MAP3K20: variants seen among roughly 807,000 people sequenced by gnomAD.
MAP3K20 encodes the protein HCCS-4.
MAP3K20 carries 40 observed loss-of-function variants against 85.7 expected under a neutral mutation model. The observed-to-expected ratio is 0.47, with a 90% CI of 0.36 to 0.61. The LOEUF (loss-of-function observed/expected upper bound fraction) is 0.61, where lower values mean the gene tolerates loss of function less well. MAP3K20 is among the 20% of genes least tolerant of loss of function. The pLI, the probability that MAP3K20 is intolerant of heterozygous loss-of-function variation, is 0.00. For synonymous variants in MAP3K20, 325 were observed against 327.7 expected (o/e 0.99, Z 0.09); for missense variants, 817 against 961.7 (o/e 0.85, Z 1.99).
At chr2:173,081,925 C>T (rs947717386) in intron 1 of MAP3K20, among the ~76,000 whole-genome samples, 1 of 152,186 alleles carries the variant, frequency 6.6e-6, no homozygotes, top group Admixed American at 6.5e-5. Flanking sequence ...TCCCACTCTA[C>T]ACCGCATATC....
Position 173,188,630 on chromosome 2 carries a change from A to G in MAP3K20, c.415+1007A>G, listed in dbSNP as rs961077141. The stretch of plus-strand genomic sequence containing the variant: ...TGTGTGTGTGTTTAGCAGGGGGTGA[A>G]GGGATGGGGGCGGGGAGGGAAGTTA... On this transcript the variant is annotated intron_variant, in intron 5 of 19. Coordinates refer to ENST00000375213, the MANE Select transcript of MAP3K20 (RefSeq NM_016653.3). Among the ~76,000 whole-genome samples the G allele has an allele frequency of 1.4e-4, 21 of 150,796 alleles. No homozygotes were observed. The East Asian group carries it at 2.9e-3, about 21-fold the overall frequency.
intron 9 of MAP3K20, 166 bp from the exon 10 acceptor site, chr2:173,209,563 C>T (rs1683808921): frequency 3.5e-6 from 2 of 564,154 alleles, no homozygotes; most frequent in African/African-American, 3.8e-5. Context: ...GCTCCCTAAA[C>T]CTGAGTGATC....
At chr2:173,253,563 A>G (rs1320467979) in intron 16 of MAP3K20, among the ~76,000 whole-genome samples, 9 of 152,124 alleles carry the variant, frequency 5.9e-5, no homozygotes, top group Non-Finnish European at 1.3e-4. Context: ...AATCATCAAC[A>G]CCTTAATAAG....
In MAP3K20 at chr2:173,230,571, A is replaced by G. The variant is rs903839704; in HGVS notation, c.1032+838A>G. Among the ~76,000 whole-genome samples the G allele has an allele frequency of 9.9e-5, 15 of 152,214 alleles. 1 individual carries two copies. Among genetic ancestry groups the G allele is most frequent in the African/African-American group, 3.6e-4 (15 of 41,458 alleles). On this transcript the variant is annotated intron_variant, in intron 12 of 19. Coordinates refer to ENST00000375213, the MANE Select transcript of MAP3K20 (RefSeq NM_016653.3). ...CCTATGTTTTTGAGAGGCTGCACTC[A>G]GACTGTTGAAGTCCAAAAGAAGTCC...
chr2:173,216,481 G>A (rs1393501207), intron 10 of MAP3K20, among the ~76,000 whole-genome samples: 2 of 150,458 alleles, frequency 1.3e-5, no homozygotes, highest in African/African-American at 4.9e-5. Flanking sequence ...AAGGGTCCTA[G>A]AAATCCATGT....
intron 16 of MAP3K20, among the ~76,000 whole-genome samples, chr2:173,256,628 A>G (rs925567407): frequency 6.6e-5 from 10 of 152,118 alleles, no homozygotes; most frequent in African/African-American, 2.4e-4. Context: ...TTTATCCCCA[A>G]ACGTTTTTAT....
intron 11 of MAP3K20, among the ~76,000 whole-genome samples, chr2:173,219,493 T>C (rs1684171818): frequency 6.6e-6 from 1 of 152,184 alleles, no homozygotes; most frequent in Admixed American, 6.5e-5. Flanking sequence ...TCAAACCTCA[T>C]GTGAGGAAGG....
At chr2:173,257,226 T>A (rs975031381) in intron 16 of MAP3K20, among the ~76,000 whole-genome samples, 8 of 152,124 alleles carry the variant, frequency 5.3e-5, no homozygotes, top group African/African-American at 1.7e-4. Flanking sequence ...AGATTTAATA[T>A]ATATATTCAC....
At chr2:173,180,848 A>T (rs548379384) in intron 3 of MAP3K20, among the ~76,000 whole-genome samples, 1 of 152,328 alleles carries the variant, frequency 6.6e-6, no homozygotes, top group South Asian at 2.1e-4. Flanking sequence ...AGTTCTTAGA[A>T]ATGATACCAA....
chr2:173,091,311 G>C, intron 2 of MAP3K20, 121 bp downstream of exon 2: 1 of 958,254 alleles, frequency 1.0e-6, no homozygotes. Flanking sequence ...ACTGATCCAC[G>C]AGGCCGTTTC....
At chr2:173,089,358 T>A (rs1687228172) in intron 1 of MAP3K20, among the ~76,000 whole-genome samples, 1 of 152,142 alleles carries the variant, frequency 6.6e-6, no homozygotes, top group African/African-American at 2.4e-5. Context: ...CTGAACCATT[T>A]TAAAGTAAAT....
chr2:173,147,245 T>C (rs942051510), intron 2 of MAP3K20, among the ~76,000 whole-genome samples: 5 of 152,228 alleles, frequency 3.3e-5, no homozygotes, highest in African/African-American at 1.2e-4. Context: ...TGTGCTTTTG[T>C]TGTCATATCT....
intron 2 of MAP3K20, among the ~76,000 whole-genome samples, chr2:173,145,837 A>G (rs1489448473): frequency 6.6e-6 from 1 of 152,230 alleles, no homozygotes; most frequent in Non-Finnish European, 1.5e-5. Flanking sequence ...TATAATAGCC[A>G]ACAATTGAGA....
intron 2 of MAP3K20, among the ~76,000 whole-genome samples, chr2:173,116,846 A>G (rs1403714773): frequency 3.9e-5 from 6 of 152,310 alleles, no homozygotes; most frequent in South Asian, 2.1e-4. Flanking sequence ...CCTATAATCT[A>G]TCTCACCCAG....
Position 173,266,359 on chromosome 2 carries a change from G to T in MAP3K20, c.2012G>T (p.Gly671Val), listed in dbSNP as rs376222255. ...AATACTGACACCTCTTCAGAGAGGG[G>T]TCGATACTCAGACAGAAGCAGGAAC... ...SGNTDTSSER[G>V]RYSDRSRNKY... Residue 671 changes from glycine (G) to valine (V), a missense_variant, in exon 20 of 20, where the codon GGT (glycine) becomes GTT (valine). Around this residue, in one of 4 missense-constraint regions of MAP3K20, gnomAD observed 454 missense variants for 476.9 expected, o/e 0.95. Transcript: ENST00000375213. 384 of 1,614,014 alleles carry T rather than the reference G, an allele frequency of 2.4e-4. 1 individual carries two copies. The highest frequency in any genetic ancestry group is 3.0e-4 in the Non-Finnish European group (356 of 1,180,020).
intron 1 of MAP3K20, among the ~76,000 whole-genome samples, chr2:173,077,738 T>G (rs1686906623): frequency 6.6e-6 from 1 of 152,224 alleles, no homozygotes; most frequent in South Asian, 2.1e-4. Flanking sequence ...AAATAGATGA[T>G]TGATCCGTTT....
intron 11 of MAP3K20, chr2:173,226,452 T>G: frequency 1.0e-6 from 1 of 985,564 alleles, no homozygotes; most frequent in Non-Finnish European, 1.2e-6. Context: ...TGCTTTTGAG[T>G]AAGACTGTTT....
At chr2:173,129,508 C>A (rs955146187) in intron 2 of MAP3K20, among the ~76,000 whole-genome samples, 2 of 152,144 alleles carry the variant, frequency 1.3e-5, no homozygotes, top group Non-Finnish European at 2.9e-5. Flanking sequence ...AAACATGCAT[C>A]TTACAATCCA....
intron 2 of MAP3K20, among the ~76,000 whole-genome samples, chr2:173,100,931 A>C (rs1290721997): frequency 6.6e-6 from 1 of 152,204 alleles, no homozygotes; most frequent in African/African-American, 2.4e-5. Context: ...TCTACCAGAC[A>C]TTTCTGTTAC....
Sources: gnomAD v4.1 joint callset for allele counts (sites outside exome capture counted in the v4.1 genomes callset) on GRCh38, gnomAD v4.1.1 for gene constraint, gnomAD v4.1.1 regional missense constraint, MANE v1.5 for transcripts, NCBI Gene and HGNC (gene_info 2026-07-23, HGNC 2026-07-21) for gene names.